SYNRG: variants seen among roughly 807,000 people sequenced by gnomAD.
The protein encoded by SYNRG is synergin gamma, also known as AP1 gamma subunit binding protein 1.
In SYNRG, 37 loss-of-function variants were observed where a neutral mutation model predicts 130.9. That is an observed-to-expected ratio of 0.28 (90% confidence interval 0.22 to 0.37). SYNRG has a LOEUF of 0.37. SYNRG is among the 10% of genes least tolerant of loss of function. SYNRG has a pLI of 1.00. For synonymous variants in SYNRG, 539 were observed against 568.1 expected (o/e 0.95, Z 0.73); for missense variants, 1,338 against 1,588.9 (o/e 0.84, Z 2.68).
chr17:37,535,937 T>C (rs2057145741), intron 19 of SYNRG, 42 bp downstream of exon 19: 1 of 1,610,148 alleles, frequency 6.2e-7, no homozygotes, highest in Non-Finnish European at 8.5e-7. Context: ...AACTTAGGTT[T>C]CTGGAAAGGA....
At chr17:37,559,206 T>C (rs2059340016) in intron 13 of SYNRG, among the ~76,000 whole-genome samples, 1 of 152,214 alleles carries the variant, frequency 6.6e-6, no homozygotes, top group Non-Finnish European at 1.5e-5. Context: ...AAGACAGTAC[T>C]GTAATACACC....
At chr17:37,558,486 T>A (rs561254615) in intron 13 of SYNRG, among the ~76,000 whole-genome samples, 1 of 152,376 alleles carries the variant, frequency 6.6e-6, no homozygotes, top group African/African-American at 2.4e-5. Flanking sequence ...ACCCTACCCA[T>A]CATGTTTACA....
At chr17:37,521,271 C>T (rs1480715460) in intron 19 of SYNRG, among the ~76,000 whole-genome samples, 1 of 152,014 alleles carries the variant, frequency 6.6e-6, no homozygotes, top group Non-Finnish European at 1.5e-5. Context: ...TGCAGGTGAT[C>T]CACCCGCCTC....
intron 20 of SYNRG, 52 bp from the exon 21 acceptor site, chr17:37,520,266 T>C: frequency 6.2e-7 from 1 of 1,610,852 alleles, no homozygotes; most frequent in Non-Finnish European, 8.5e-7. Flanking sequence ...ACAGGGCCTC[T>C]TGCCTCCAAA....
chr17:37,540,585 A>T, intron 15 of SYNRG, 42 bp from the exon 16 acceptor site: 1 of 1,545,586 alleles, frequency 6.5e-7, no homozygotes, highest in Non-Finnish European at 8.7e-7. Flanking sequence ...TTGGCTACTC[A>T]CCTTAGTTCA....
rs2064175922 is a variant in SYNRG, at chr17:37,609,268, T to C, written c.77+11A>G. The C allele has an allele frequency of 6.9e-7, 1 of 1,439,640 alleles. No individual in the cohort carries two copies. Among genetic ancestry groups the C allele is most frequent in the Non-Finnish European group, 9.1e-7 (1 of 1,103,056 alleles). The allele number at this position is 1,439,640 out of a possible 1,614,324, so 89.2% of individuals were successfully genotyped here. A position where few individuals can be genotyped will look rare whatever the true frequency, so the allele number is the denominator to read the frequency against. ...AGGCCAGCGGGCTCCCGCCCGGCTC[T>C]TCACACCTACCCGCCTCCCCCGGCG... On this transcript the variant is annotated intron_variant, in intron 1 of 21. Coordinates refer to ENST00000612223, the MANE Select transcript of SYNRG (RefSeq NM_007247.6).
chr17:37,562,775 A>G (rs768103350), intron 11 of SYNRG, among the ~76,000 whole-genome samples: 2 of 152,212 alleles, frequency 1.3e-5, no homozygotes, highest in African/African-American at 2.4e-5. Flanking sequence ...TAAAAGTTCC[A>G]TAAGTAATTA....
chr17:37,547,183 T>G (rs559611139), intron 14 of SYNRG, among the ~76,000 whole-genome samples: 1 of 152,342 alleles, frequency 6.6e-6, no homozygotes, highest in South Asian at 2.1e-4. Flanking sequence ...CCACACTATC[T>G]AGAAGCACCT....
intron 15 of SYNRG, chr17:37,541,758 T>C: frequency 1.7e-6 from 1 of 601,518 alleles, no homozygotes; most frequent in Non-Finnish European, 2.9e-6. Flanking sequence ...GCTGTGCTTG[T>C]TTTTAGCCCA....
At chr17:37,585,558 T>C in intron 4 of SYNRG, 128 bp from the exon 5 acceptor site, 1 of 630,492 alleles carries the variant, frequency 1.6e-6, no homozygotes. Flanking sequence ...TTGCTAAATA[T>C]CTAGTTTTCT....
rs186022775 is a variant in SYNRG, at chr17:37,541,926, G to A, written c.3202+46C>T. 7 of 1,535,686 alleles carry A rather than the reference G, an allele frequency of 4.6e-6. No homozygotes were observed. The African/African-American group carries it at 6.9e-5, about 15-fold the overall frequency. ...ATTCTTAAGAACATCTAACATCTCA[G>A]TGGAAAAAAACCACAATAGTAAAAT... is the stretch of plus-strand genomic sequence containing the variant. On this transcript the variant is annotated intron_variant, in intron 15 of 21. Coordinates refer to ENST00000612223, the MANE Select transcript of SYNRG (RefSeq NM_007247.6).
At chr17:37,535,095 G>C (rs2057063950) in intron 19 of SYNRG, among the ~76,000 whole-genome samples, 1 of 152,048 alleles carries the variant, frequency 6.6e-6, no homozygotes, top group African/African-American at 2.4e-5. Context: ...ACGTTTACAA[G>C]CTTATATATA....
chr17:37,545,045 C>A (rs966388209), intron 14 of SYNRG, among the ~76,000 whole-genome samples: 3 of 151,758 alleles, frequency 2.0e-5, no homozygotes, highest in South Asian at 4.2e-4. Context: ...CATGGAGAAA[C>A]CCTGTCTCTA....
At chr17:37,594,230 TTAATTA>T (rs2062503189) in intron 3 of SYNRG, among the ~76,000 whole-genome samples, 2 of 144,808 alleles carry the variant, frequency 1.4e-5, no homozygotes, top group African/African-American at 5.0e-5. Context: ...TTTAATTATA[TTAATTA>T]CAATATTAAT....
At chr17:37,608,986 G>GCCCCCCCCCCCCCCC (rs149268463) in intron 1 of SYNRG, among the ~76,000 whole-genome samples, 1 of 107,008 alleles carries the variant, frequency 9.3e-6, no homozygotes, top group African/African-American at 3.5e-5. Context: ...GATTTGCCCC[G>GCCCCCCCCCCCCCCC]CCCCCCCCCA....
In SYNRG at chr17:37,609,397, T is replaced by G. The variant is rs751215576; in HGVS notation, c.-42A>C. The G allele has an allele frequency of 5.6e-5, 77 of 1,381,460 alleles. No individual in the cohort carries two copies. The highest frequency in any genetic ancestry group is 6.9e-5 in the Non-Finnish European group (74 of 1,071,630). The allele number at this position is 1,381,460 out of a possible 1,614,324, so 85.6% of individuals were successfully genotyped here. A position where few individuals can be genotyped will look rare whatever the true frequency, so the allele number is the denominator to read the frequency against. On this transcript the variant is annotated 5_prime_UTR_variant, in exon 1 of 22. Transcript: ENST00000612223. ...CGCTGCCTTCGCCGCCGCCACCTTA[T>G]CAGCAGCTGTCAGCTGAACACAGCC...
chr17:37,585,467 G>T, intron 4 of SYNRG, 37 bp from the exon 5 acceptor site: 2 of 1,406,490 alleles, frequency 1.4e-6, no homozygotes, highest in Non-Finnish European at 2.0e-6. Context: ...ACCAGCTCCC[G>T]GGATTATACA....
intron 13 of SYNRG, chr17:37,557,238 A>G (rs1243209038): frequency 6.6e-6 from 1 of 152,224 alleles, no homozygotes; most frequent in Non-Finnish European, 1.5e-5. Flanking sequence ...ATTTCTTTAT[A>G]CAGAACATTT....
At chr17:37,533,926 CTTTTTTTTTTTTTTT>C (rs765621244) in intron 19 of SYNRG, among the ~76,000 whole-genome samples, 1 of 57,790 alleles carries the variant, frequency 1.7e-5, no homozygotes, top group East Asian at 5.4e-4. Context: ...ATTTTCTTTT[CTTTTTTTTTTTTTTT>C]TTTTTTTTTT....
Sources: gnomAD v4.1 joint callset for allele counts (sites outside exome capture counted in the v4.1 genomes callset) on GRCh38, gnomAD v4.1.1 for gene constraint, MANE v1.5 for transcripts, NCBI Gene and HGNC (gene_info 2026-07-23, HGNC 2026-07-21) for gene names.